The following FSTL5 variants were observed in gnomAD, a reference collection of about 807,000 sequenced individuals.
FSTL5 encodes the protein follistatin like 5.
A neutral mutation model predicts 89.1 loss-of-function variants in FSTL5; 62 were observed. That is an observed-to-expected ratio of 0.70 (90% CI 0.57 to 0.86). The LOEUF (loss-of-function observed/expected upper bound fraction) is 0.86, where lower values mean the gene tolerates loss of function less well. Ranked by LOEUF, FSTL5 falls within the 40% of genes least tolerant of loss-of-function variation. The pLI is 0.00. For synonymous variants in FSTL5, 383 were observed against 346.2 expected (o/e 1.11, Z -1.18); for missense variants, 1,057 against 1,001.6 (o/e 1.06, Z -0.75).
chr4:161,505,024 T>C (rs749241999), intron 11 of FSTL5, among the ~76,000 whole-genome samples: 1 of 152,126 alleles, frequency 6.6e-6, no homozygotes, highest in Non-Finnish European at 1.5e-5. Flanking sequence ...AAGTGTATGA[T>C]GTAGTGATTT....
chr4:161,400,025 C>A (rs749673199), intron 15 of FSTL5, among the ~76,000 whole-genome samples: 1 of 152,010 alleles, frequency 6.6e-6, no homozygotes, highest in Non-Finnish European at 1.5e-5. Flanking sequence ...ATAAAATAGA[C>A]TAGTATCTAA....
At chr4:161,674,530 A>G (rs976742273) in intron 6 of FSTL5, among the ~76,000 whole-genome samples, 3 of 152,114 alleles carry the variant, frequency 2.0e-5, no homozygotes, top group Non-Finnish European at 4.4e-5. Context: ...GAAAGAAGAA[A>G]AACACTCCAA....
intron 3 of FSTL5, among the ~76,000 whole-genome samples, chr4:162,002,187 T>C (rs1333510736): frequency 6.6e-6 from 1 of 152,146 alleles, no homozygotes; most frequent in African/African-American, 2.4e-5. Context: ...CTAATGCGAG[T>C]ATATGCTTTG....
At chr4:161,537,295 TTAA>T (rs1313812573) in intron 10 of FSTL5, among the ~76,000 whole-genome samples, 3 of 152,104 alleles carry the variant, frequency 2.0e-5, no homozygotes, top group Admixed American at 2.0e-4. Flanking sequence ...AAAACATATA[TTAA>T]TAACAGCGTA....
At chr4:161,712,315 G>A (rs1254333467) in intron 6 of FSTL5, among the ~76,000 whole-genome samples, 1 of 151,886 alleles carries the variant, frequency 6.6e-6, no homozygotes, top group Non-Finnish European at 1.5e-5. Context: ...ATAATAAAAA[G>A]AATAAATAAC....
intron 7 of FSTL5, among the ~76,000 whole-genome samples, chr4:161,640,516 A>T (rs986349457): frequency 2.0e-5 from 3 of 152,206 alleles, no homozygotes; most frequent in Admixed American, 1.3e-4. Flanking sequence ...TATAGCAACT[A>T]AAATGAAAAG....
At chr4:161,823,140 T>C (rs961417761) in intron 4 of FSTL5, among the ~76,000 whole-genome samples, 6 of 152,126 alleles carry the variant, frequency 3.9e-5, no homozygotes, top group Non-Finnish European at 8.8e-5. Flanking sequence ...AAAAGCACCA[T>C]AAGTTCTTAC....
At chr4:161,880,886 G>A (rs1010746155) in intron 4 of FSTL5, among the ~76,000 whole-genome samples, 1 of 152,098 alleles carries the variant, frequency 6.6e-6, no homozygotes, top group African/African-American at 2.4e-5. Context: ...CATGAGGCAG[G>A]AATAAAGAGA....
At chr4:162,141,846 G>T (rs1175302470) in intron 1 of FSTL5, among the ~76,000 whole-genome samples, 7 of 152,082 alleles carry the variant, frequency 4.6e-5, no homozygotes, top group African/African-American at 1.7e-4. Flanking sequence ...TCATGAATGG[G>T]AGTACTGAGG....
At chr4:161,571,388 C>A (rs754118772) in intron 8 of FSTL5, among the ~76,000 whole-genome samples, 12 of 151,298 alleles carry the variant, frequency 7.9e-5, no homozygotes, top group Non-Finnish European at 1.8e-4. Flanking sequence ...AATGTGTGGG[C>A]CAGAAAGGAG....
At chr4:161,455,260 AT>A in intron 14 of FSTL5, 132 bp from the exon 15 acceptor site, 1 of 543,734 alleles carries the variant, frequency 1.8e-6, no homozygotes, top group Non-Finnish European at 2.9e-6. Context: ...CTCAAAATCA[AT>A]ATATTATTAC....
intron 8 of FSTL5, among the ~76,000 whole-genome samples, chr4:161,568,468 C>T (rs1732893602): frequency 1.3e-5 from 2 of 152,152 alleles, no homozygotes; most frequent in Non-Finnish European, 2.9e-5. Flanking sequence ...TTATATGCTG[C>T]AGCCTCCGCA....
rs149517728 is a variant in FSTL5, at chr4:162,009,775, T to G, written c.160+23850A>C. On this transcript the variant is annotated intron_variant, in intron 3 of 15. Coordinates refer to ENST00000306100, the MANE Select transcript of FSTL5 (RefSeq NM_020116.5). ...GAATGCATAAAGATTTCAACATCAT[T>G]TGGTATTTTGTGTTTCTTCCTATGT... is the stretch of plus-strand genomic sequence containing the variant. Among the ~76,000 whole-genome samples, 1,423 of 152,144 alleles carry G rather than the reference T, an allele frequency of 9.4e-3. 14 individuals are homozygous for G. Among genetic ancestry groups the G allele is most frequent in the Non-Finnish European group, 0.016 (1,079 of 67,930 alleles).
intron 15 of FSTL5, among the ~76,000 whole-genome samples, chr4:161,429,355 G>A (rs1373974828): frequency 6.6e-6 from 1 of 152,168 alleles, no homozygotes; most frequent in African/African-American, 2.4e-5. Context: ...GAGCCCAAGG[G>A]CCTTGAGCAA....
chr4:162,123,176 T>A (rs1328729939), intron 1 of FSTL5, among the ~76,000 whole-genome samples: 1 of 152,152 alleles, frequency 6.6e-6, no homozygotes, highest in Non-Finnish European at 1.5e-5. Context: ...CTACATTTAT[T>A]GTACAAGAAA....
At chr4:161,813,649 CA>C (rs1186000149) in intron 4 of FSTL5, among the ~76,000 whole-genome samples, 1 of 152,170 alleles carries the variant, frequency 6.6e-6, no homozygotes, top group East Asian at 1.9e-4. Flanking sequence ...TTTTCAAAAA[CA>C]GAGCATCTCT....
intron 8 of FSTL5, among the ~76,000 whole-genome samples, chr4:161,550,149 G>A (rs1319758650): frequency 6.6e-6 from 1 of 151,720 alleles, no homozygotes; most frequent in Non-Finnish European, 1.5e-5. Flanking sequence ...TCCATAGTTG[G>A]GACTGTATCC....
At chr4:161,773,603 C>CA (rs1266152226) in intron 5 of FSTL5, among the ~76,000 whole-genome samples, 2 of 152,114 alleles carry the variant, frequency 1.3e-5, no homozygotes, top group Non-Finnish European at 2.9e-5. Flanking sequence ...TGCTCAACAT[C>CA]ACTAATGGTC....
intron 5 of FSTL5, among the ~76,000 whole-genome samples, chr4:161,762,357 A>T (rs1740838144): frequency 6.6e-6 from 1 of 152,156 alleles, no homozygotes. Context: ...CTCAGTCCAC[A>T]GTAACCACTC....
Sources: allele counts gnomAD v4.1 joint callset (sites outside exome capture counted in the v4.1 genomes callset), GRCh38; gene constraint gnomAD v4.1.1; transcripts MANE v1.5; gene names NCBI Gene and HGNC (gene_info 2026-07-23, HGNC 2026-07-21).